Variants in RIT2 observed in about 807,000 individuals in gnomAD.
RIT2 encodes the protein Ras like without CAAX 2, also known as GTP-binding protein Rit2.
RIT2 carries 24 observed loss-of-function variants against 23.7 expected under a neutral mutation model. That is an observed-to-expected ratio of 1.01 (90% CI 0.73 to 1.43). RIT2 has a LOEUF of 1.43. Among genes scored for constraint, RIT2 ranks in the 40% most tolerant of loss-of-function variants. RIT2 has a pLI of 0.00. For synonymous variants in RIT2, 107 were observed against 91.1 expected (o/e 1.17, Z -0.99); for missense variants, 236 against 266.9 (o/e 0.88, Z 0.81).
chr18:42,971,550 T>C (rs1187545835), intron 3 of RIT2, among the ~76,000 whole-genome samples: 1 of 152,076 alleles, frequency 6.6e-6, no homozygotes, highest in Non-Finnish European at 1.5e-5. Context: ...ATTAATATTC[T>C]GTATTGCTCA....
At chr18:43,009,131 G>A (rs938153097) in intron 2 of RIT2, among the ~76,000 whole-genome samples, 2 of 151,382 alleles carry the variant, frequency 1.3e-5, no homozygotes, top group African/African-American at 2.4e-5. Context: ...CCAACCCATC[G>A]CAATGTCAGT....
intron 1 of RIT2, among the ~76,000 whole-genome samples, chr18:43,049,744 A>C (rs1446626664): frequency 1.3e-5 from 2 of 152,026 alleles, no homozygotes; most frequent in Non-Finnish European, 2.9e-5. Flanking sequence ...GAGGAAACTT[A>C]CAGGCAAAGG....
At chr18:42,972,144 C>A (rs942955997) in intron 3 of RIT2, among the ~76,000 whole-genome samples, 1 of 151,864 alleles carries the variant, frequency 6.6e-6, no homozygotes, top group Admixed American at 6.6e-5. Context: ...TAAAATTTAA[C>A]CTACTCAATG....
chr18:42,799,956 A>G (rs912279627), intron 4 of RIT2, among the ~76,000 whole-genome samples: 2 of 152,062 alleles, frequency 1.3e-5, no homozygotes, highest in African/African-American at 4.8e-5. Flanking sequence ...TGGAATTTAA[A>G]TAATTATTTG....
At chr18:42,804,972 C>G (rs1055589797) in intron 4 of RIT2, among the ~76,000 whole-genome samples, 1 of 152,090 alleles carries the variant, frequency 6.6e-6, no homozygotes, top group Non-Finnish European at 1.5e-5. Context: ...TTTTCATCAG[C>G]AAAAATTATT....
At chr18:42,931,754 T>C (rs913577913) in intron 3 of RIT2, among the ~76,000 whole-genome samples, 1 of 152,146 alleles carries the variant, frequency 6.6e-6, no homozygotes, top group African/African-American at 2.4e-5. Context: ...CATAACTGTG[T>C]TGTGAAAGGA....
chr18:42,822,186 T>G (rs897576316), intron 4 of RIT2, among the ~76,000 whole-genome samples: 1 of 152,178 alleles, frequency 6.6e-6, no homozygotes, highest in Non-Finnish European at 1.5e-5. Flanking sequence ...GTATTGCATT[T>G]GTGTTTGAAA....
chr18:42,969,667 A>G (rs1568042791), intron 3 of RIT2, among the ~76,000 whole-genome samples: 3 of 150,066 alleles, frequency 2.0e-5, no homozygotes. Flanking sequence ...ATATGTTAGC[A>G]TTTCAAAAAA....
chr18:42,979,430 A>G (rs1227400981), intron 2 of RIT2, among the ~76,000 whole-genome samples: 3 of 152,140 alleles, frequency 2.0e-5, no homozygotes. Flanking sequence ...TATTACAATG[A>G]AGCTATTTTT....
At chr18:43,104,153 A>G (rs977515398) in intron 1 of RIT2, among the ~76,000 whole-genome samples, 5 of 152,228 alleles carry the variant, frequency 3.3e-5, no homozygotes, top group Admixed American at 3.3e-4. Flanking sequence ...ATGAACCTGG[A>G]GGACATAACG....
chr18:42,799,460 C>T (rs1008050734), intron 4 of RIT2, among the ~76,000 whole-genome samples: 1 of 152,182 alleles, frequency 6.6e-6, no homozygotes, highest in Non-Finnish European at 1.5e-5. Flanking sequence ...CTTCCCATAG[C>T]CCAAGCTACC....
intron 3 of RIT2, among the ~76,000 whole-genome samples, chr18:42,952,349 G>A (rs1172714648): frequency 6.6e-6 from 1 of 152,078 alleles, no homozygotes; most frequent in African/African-American, 2.4e-5. Context: ...TAGAAGCAGA[G>A]GGTAAAATGG....
intron 2 of RIT2, among the ~76,000 whole-genome samples, chr18:42,983,143 T>C (rs1193741157): frequency 6.6e-6 from 1 of 152,088 alleles, no homozygotes; most frequent in Non-Finnish European, 1.5e-5. Flanking sequence ...CAATATGATG[T>C]GGGCAAGGGA....
chr18:42,802,829 G>A (rs16976925), intron 4 of RIT2, among the ~76,000 whole-genome samples: 2,489 of 152,146 alleles, frequency 0.016, 79 homozygotes, highest in African/African-American at 0.057. Context: ...CTATTGTCAG[G>A]CATTTTGAAA....
chr18:43,012,265 A>C (rs915578425), intron 2 of RIT2, among the ~76,000 whole-genome samples: 19 of 151,878 alleles, frequency 1.3e-4, no homozygotes, highest in African/African-American at 4.3e-4. Context: ...AGCACTAGAA[A>C]AATACCTTAT....
intron 4 of RIT2, among the ~76,000 whole-genome samples, chr18:42,807,956 G>A (rs1289223794): frequency 1.3e-5 from 2 of 152,140 alleles, no homozygotes; most frequent in African/African-American, 2.4e-5. Context: ...GAAATGAAAA[G>A]CAATTCAAAG....
chr18:42,993,666 G>T (rs1168943702), intron 2 of RIT2, among the ~76,000 whole-genome samples: 1 of 151,968 alleles, frequency 6.6e-6, no homozygotes. Context: ...TAAATTATCT[G>T]CTTCCCTGAC....
chr18:42,784,140 C>T (rs1913873164), intron 4 of RIT2, among the ~76,000 whole-genome samples: 1 of 152,008 alleles, frequency 6.6e-6, no homozygotes, highest in African/African-American at 2.4e-5. Flanking sequence ...CCATTTTATT[C>T]ACATTATATT....
At chr18:42,969,895 A>T (rs1223269321) in intron 3 of RIT2, among the ~76,000 whole-genome samples, 1 of 152,056 alleles carries the variant, frequency 6.6e-6, no homozygotes, top group Non-Finnish European at 1.5e-5. Context: ...CTACCATAGT[A>T]TTTATTATAA....
Sources: gnomAD v4.1 joint callset for allele counts (sites outside exome capture counted in the v4.1 genomes callset) on GRCh38, gnomAD v4.1.1 for gene constraint, MANE v1.5 for transcripts, NCBI Gene and HGNC (gene_info 2026-07-23, HGNC 2026-07-21) for gene names.